Variants in BICC1 observed in about 807,000 individuals in gnomAD.
BICC1 encodes BicC family RNA binding protein 1, also known as protein bicaudal C homolog 1.
A neutral mutation model predicts 111.0 loss-of-function variants in BICC1; 43 were observed. The ratio of observed to expected loss-of-function variants is 0.39; its 90% CI spans 0.30 to 0.50. The LOEUF (loss-of-function observed/expected upper bound fraction) is 0.50. BICC1 is among the 20% of genes least tolerant of loss of function. The probability of loss-of-function intolerance (pLI) is 0.88; values close to 1 mark genes in which losing one functional copy is unlikely to be tolerated. For synonymous variants in BICC1, 467 were observed against 434.4 expected, an observed-to-expected ratio of 1.07 and a Z score of -0.93; for missense variants, 1,091 against 1,203.2, an observed-to-expected ratio of 0.91 and a Z score of 1.38.
intron 18 of BICC1, chr10:58,814,301 AT>A: frequency 1.7e-6 from 1 of 597,554 alleles, no homozygotes; most frequent in Non-Finnish European, 3.0e-6. Flanking sequence ...TTTTATAAAC[AT>A]TTATGAAGTG....
intron 1 of BICC1, among the ~76,000 whole-genome samples, chr10:58,513,730 T>C (rs987357170): frequency 1.3e-5 from 2 of 152,240 alleles, no homozygotes; most frequent in African/African-American, 4.8e-5. Flanking sequence ...CCTCGAGTTC[T>C]GTCTCTCTCC....
chr10:58,804,574 G>A (rs1475774464), intron 15 of BICC1, among the ~76,000 whole-genome samples: 3 of 152,182 alleles, frequency 2.0e-5, no homozygotes, highest in African/African-American at 4.8e-5. Flanking sequence ...TCTGGTGGAT[G>A]TATTTTCAGT....
intron 3 of BICC1, among the ~76,000 whole-genome samples, chr10:58,705,709 T>A (rs976550927): frequency 4.6e-5 from 7 of 152,252 alleles, no homozygotes; most frequent in Admixed American, 2.6e-4. Context: ...AAACTTTTTT[T>A]AATTTTAGAT....
intron 2 of BICC1, among the ~76,000 whole-genome samples, chr10:58,671,994 C>G (rs923495988): frequency 2.6e-5 from 4 of 152,168 alleles, no homozygotes; most frequent in African/African-American, 4.8e-5. Context: ...ATTCTGGAAG[C>G]TCGTTCCCTG....
intron 4 of BICC1, 51 bp downstream of exon 4, chr10:58,785,131 G>A: frequency 9.7e-7 from 1 of 1,030,288 alleles, no homozygotes; most frequent in Non-Finnish European, 1.4e-6. Flanking sequence ...CTCTACAAGG[G>A]CTACTTCATG....
At chr10:58,688,402 C>G (rs1839809900) in intron 2 of BICC1, among the ~76,000 whole-genome samples, 2 of 152,058 alleles carry the variant, frequency 1.3e-5, no homozygotes, top group South Asian at 2.1e-4. Flanking sequence ...GTTTACAAAC[C>G]TTTAGCTAGA....
intron 8 of BICC1, among the ~76,000 whole-genome samples, chr10:58,791,848 G>A (rs972903404): frequency 6.6e-6 from 1 of 152,142 alleles, no homozygotes; most frequent in Non-Finnish European, 1.5e-5. Context: ...CTGGAGTGTA[G>A]TAGTGTGTTC....
chr10:58,668,339 T>C (rs1839080451), intron 2 of BICC1, among the ~76,000 whole-genome samples: 1 of 152,130 alleles, frequency 6.6e-6, no homozygotes, highest in African/African-American at 2.4e-5. Context: ...AATGACCTTA[T>C]AAAATAAAGG....
At chr10:58,699,156 A>G (rs922468510) in intron 2 of BICC1, among the ~76,000 whole-genome samples, 3 of 152,248 alleles carry the variant, frequency 2.0e-5, no homozygotes, top group South Asian at 2.1e-4. Context: ...ACTGTGGCTC[A>G]TAGAACTTTA....
chr10:58,732,012 G>T (rs1841315029), intron 3 of BICC1, among the ~76,000 whole-genome samples: 1 of 152,078 alleles, frequency 6.6e-6, no homozygotes, highest in Non-Finnish European at 1.5e-5. Context: ...TTTCCTTCAA[G>T]AACTTTTCAT....
chr10:58,670,838 A>G (rs959861218), intron 2 of BICC1, among the ~76,000 whole-genome samples: 1 of 152,162 alleles, frequency 6.6e-6, no homozygotes, highest in African/African-American at 2.4e-5. Context: ...GGTTTCATAC[A>G]ATGTAACCAT....
At chr10:58,780,902 G>A (rs912366578) in intron 3 of BICC1, among the ~76,000 whole-genome samples, 7 of 152,164 alleles carry the variant, frequency 4.6e-5, no homozygotes, top group African/African-American at 1.4e-4. Context: ...TACGACAATT[G>A]TTGCCTTGTT....
At chr10:58,805,762 C>T (rs1454552333) in intron 15 of BICC1, among the ~76,000 whole-genome samples, 1 of 152,146 alleles carries the variant, frequency 6.6e-6, no homozygotes, top group African/African-American at 2.4e-5. Flanking sequence ...CCAATTGGCC[C>T]TTGGTCCTTG....
At chr10:58,563,490 A>T (rs1843668863) in intron 1 of BICC1, among the ~76,000 whole-genome samples, 2 of 152,096 alleles carry the variant, frequency 1.3e-5, no homozygotes, top group African/African-American at 4.8e-5. Context: ...TCCTTGCTGG[A>T]TGCTTTACTT....
At position 58,789,664 on chromosome 10, in the gene BICC1, C is replaced by T; in HGVS notation, c.796-18C>T. On this transcript the variant is annotated intron_variant, in intron 7 of 20. Transcript: ENST00000373886. ...AGTTAATGTATAGGATTATTTCTTT[C>T]CCACCCTTTTCTCTTAGGAAGGAAC... 6.2e-7 allele frequency: 1 copy of T among 1,613,472 alleles called. No homozygotes were observed. Among genetic ancestry groups the T allele is most frequent in the East Asian group, 2.2e-5 (1 of 44,864 alleles).
chr10:58,743,699 T>C (rs369617342), intron 3 of BICC1, among the ~76,000 whole-genome samples: 16 of 152,136 alleles, frequency 1.1e-4, no homozygotes, highest in African/African-American at 3.9e-4. Context: ...ATCCCCCAGG[T>C]TGGTATGCTA....
chr10:58,716,102 A>G (rs1222241500), intron 3 of BICC1: 4 of 1,495,702 alleles, frequency 2.7e-6, no homozygotes, highest in Non-Finnish European at 2.7e-6. Context: ...AGAAAGATGT[A>G]TTCTGAAGAT....
chr10:58,622,216 G>C (rs1845841824), intron 2 of BICC1, among the ~76,000 whole-genome samples: 1 of 152,016 alleles, frequency 6.6e-6, no homozygotes, highest in African/African-American at 2.4e-5. Context: ...ACAAATAGCA[G>C]AAATCATAGA....
intron 3 of BICC1, among the ~76,000 whole-genome samples, chr10:58,751,069 CAG>C (rs1159471134): frequency 6.6e-6 from 1 of 152,034 alleles, no homozygotes; most frequent in Non-Finnish European, 1.5e-5. Context: ...GGGTTTGAAA[CAG>C]AAGATGCACA....
Sources: gnomAD v4.1 joint callset for allele counts (sites outside exome capture counted in the v4.1 genomes callset) on GRCh38, gnomAD v4.1.1 for gene constraint, MANE v1.5 for transcripts, NCBI Gene and HGNC (gene_info 2026-07-23, HGNC 2026-07-21) for gene names.